The following DHRSX variants were observed in gnomAD, a reference collection of about 807,000 sequenced individuals.
DHRSX encodes the protein polyprenol dehydrogenase.
Under a neutral mutation model 34.0 loss-of-function variants are expected in DHRSX, and 31 were observed. The observed-to-expected ratio is 0.91, with a 90% CI of 0.69 to 1.23. The LOEUF (loss-of-function observed/expected upper bound fraction) is 1.23, where lower values mean the gene tolerates loss of function less well. DHRSX is among the 50% of genes most tolerant of loss of function. The probability of loss-of-function intolerance (pLI) is 0.00; values close to 1 mark genes in which losing one functional copy is unlikely to be tolerated. For missense variants in DHRSX, 414 were observed against 428.1 expected (o/e 0.97, Z 0.29); for synonymous variants, 201 against 183.8 (o/e 1.09, Z -0.76).
At chrX:2,377,670 C>G (rs2043157443) in intron 3 of DHRSX, among the ~76,000 whole-genome samples, 1 of 152,072 alleles carries the variant, frequency 6.6e-6, no homozygotes. Context: ...TCCAGAGCCT[C>G]CGCAAGGGGC....
chrX:2,393,102 C>T (rs1408172225), intron 3 of DHRSX, among the ~76,000 whole-genome samples: 1 of 146,518 alleles, frequency 6.8e-6, no homozygotes, highest in Non-Finnish European at 1.5e-5. Context: ...GAACATAATA[C>T]ATCATATATA....
chrX:2,456,615 A>T (rs954332266), intron 1 of DHRSX, among the ~76,000 whole-genome samples: 1 of 63,606 alleles, frequency 1.6e-5, no homozygotes, highest in African/African-American at 4.6e-5. Flanking sequence ...CTCCTCTTCA[A>T]AAAAAAAAAA....
At chrX:2,489,840 T>C in intron 1 of DHRSX, 1 of 1,613,648 alleles carries the variant, frequency 6.2e-7, no homozygotes, top group Non-Finnish European at 8.5e-7. Context: ...GCATTGAAGG[T>C]GTGGCCCAGG....
At chrX:2,457,382 A>G (rs1363651726) in intron 1 of DHRSX, among the ~76,000 whole-genome samples, 1 of 151,756 alleles carries the variant, frequency 6.6e-6, no homozygotes, top group African/African-American at 2.4e-5. Flanking sequence ...GACGTTCCCT[A>G]AGTATGTGGC....
chrX:2,387,990 G>C (rs1487518531), intron 3 of DHRSX, among the ~76,000 whole-genome samples: 1 of 151,504 alleles, frequency 6.6e-6, no homozygotes, highest in Non-Finnish European at 1.5e-5. Context: ...TGGGGTACAG[G>C]AGCCTGGCTC....
intron 4 of DHRSX, among the ~76,000 whole-genome samples, chrX:2,272,084 T>G: frequency 6.6e-6 from 1 of 151,652 alleles, no homozygotes; most frequent in Non-Finnish European, 1.5e-5. Context: ...GCAGCACAAC[T>G]CACAACTGCA....
chrX:2,448,590 TTAA>T (rs1603106866), intron 1 of DHRSX, among the ~76,000 whole-genome samples: 1 of 152,032 alleles, frequency 6.6e-6, no homozygotes, highest in Non-Finnish European at 1.5e-5. Context: ...AGCTTGATTA[TTAA>T]TATGTTAATT....
intron 3 of DHRSX, among the ~76,000 whole-genome samples, chrX:2,344,713 AG>A (rs1260370268): frequency 5.3e-5 from 8 of 151,608 alleles, no homozygotes. Flanking sequence ...AGGGTCTGTC[AG>A]GGGGTCAGGG....
At chrX:2,314,231 GAGGGAGGGAAGGA>G (rs1413847570) in intron 3 of DHRSX, among the ~76,000 whole-genome samples, 1 of 10,226 alleles carries the variant, frequency 9.8e-5, no homozygotes, top group African/African-American at 6.0e-4. Context: ...GGAAGGAAGG[GAGGGAGGGAAGGA>G]AGGGAGGGAA....
intron 3 of DHRSX, among the ~76,000 whole-genome samples, chrX:2,401,091 G>GAAT (rs1190858538): frequency 4.2e-5 from 6 of 144,016 alleles, no homozygotes; most frequent in African/African-American, 1.5e-4. Context: ...GCTACTGGAA[G>GAAT]AATAATATTT....
chrX:2,494,657 A>G (rs1229615775), intron 1 of DHRSX, among the ~76,000 whole-genome samples: 2 of 151,908 alleles, frequency 1.3e-5, no homozygotes, highest in East Asian at 3.8e-4. Context: ...TTTGGCTCAC[A>G]GGTGTCCCAG....
At chrX:2,299,014 ATG>A (rs2041980165) in intron 3 of DHRSX, among the ~76,000 whole-genome samples, 2 of 131,548 alleles carry the variant, frequency 1.5e-5, no homozygotes, top group Non-Finnish European at 1.6e-5. Flanking sequence ...AAAAAAAAAA[ATG>A]GGAAAAATGT....
intron 1 of DHRSX, among the ~76,000 whole-genome samples, chrX:2,491,284 G>A (rs751332794): frequency 1.3e-5 from 2 of 152,250 alleles, no homozygotes; most frequent in East Asian, 3.9e-4. Flanking sequence ...TGGTCAGGCT[G>A]GTCTCGAACT....
chrX:2,255,451 G>A (rs1366886296), intron 5 of DHRSX, among the ~76,000 whole-genome samples: 2 of 152,172 alleles, frequency 1.3e-5, no homozygotes, highest in East Asian at 3.8e-4. Flanking sequence ...TTCACGGGAT[G>A]TGAATTCATG....
At chrX:2,367,129 C>T (rs752152448) in intron 3 of DHRSX, among the ~76,000 whole-genome samples, 1 of 152,136 alleles carries the variant, frequency 6.6e-6, no homozygotes, top group South Asian at 2.1e-4. Context: ...TCACAGCACA[C>T]ATGGCTTCAG....
intron 3 of DHRSX, among the ~76,000 whole-genome samples, chrX:2,402,975 C>G (rs2043506218): frequency 6.6e-6 from 1 of 151,498 alleles, no homozygotes; most frequent in Admixed American, 6.6e-5. Flanking sequence ...CTCCGCCTCC[C>G]AGATTCAAGC....
rs186359411 is a variant in DHRSX, at chrX:2,288,486, C to T, written c.388+3016G>A. 1.3e-3 allele frequency among the ~76,000 whole-genome samples: 197 copies of T among 152,316 alleles called. 2 individuals carry two copies. Among genetic ancestry groups the T allele is most frequent in the Non-Finnish European group, 2.1e-3 (140 of 68,024 alleles). ...CTGACCTCACGTAATCCACCTGCCT[C>T]GGCCTCCCAAAGTGCTGAGGTTACA... On this transcript the variant is annotated intron_variant, in intron 4 of 6. Coordinates refer to ENST00000334651, the MANE Select transcript of DHRSX (RefSeq NM_145177.3).
intron 3 of DHRSX, among the ~76,000 whole-genome samples, chrX:2,367,429 C>A (rs2043007015): frequency 7.0e-6 from 1 of 142,784 alleles, no homozygotes. Flanking sequence ...TAGAGCAAGA[C>A]TGTCTCAAAA....
intron 3 of DHRSX, among the ~76,000 whole-genome samples, chrX:2,393,719 A>C (rs2043370893): frequency 2.6e-5 from 3 of 115,132 alleles, no homozygotes; most frequent in Non-Finnish European, 3.6e-5. Context: ...ACACACAGGG[A>C]CCTCCCCGTC....
Sources: gnomAD v4.1 joint callset for allele counts (sites outside exome capture counted in the v4.1 genomes callset) on GRCh38, gnomAD v4.1.1 for gene constraint, MANE v1.5 for transcripts, NCBI Gene and HGNC (gene_info 2026-07-23, HGNC 2026-07-21) for gene names.